Variants in PCBP3 observed in about 807,000 individuals in gnomAD.
The protein encoded by PCBP3 is poly(rC) binding protein 3.
A neutral mutation model predicts 52.7 loss-of-function variants in PCBP3; 25 were observed. The ratio of observed to expected loss-of-function variants is 0.47; its 90% CI spans 0.35 to 0.66. PCBP3 has a LOEUF of 0.66. Among genes scored for constraint, PCBP3 ranks in the 30% least tolerant of loss-of-function variants. The pLI is 0.01. For synonymous variants in PCBP3, 162 were observed against 183.0 expected (o/e 0.89, Z 0.93); for missense variants, 391 against 490.3 (o/e 0.80, Z 1.91).
At chr21:45,851,257 G>A (rs982364404) in intron 5 of PCBP3, among the ~76,000 whole-genome samples, 2 of 152,264 alleles carry the variant, frequency 1.3e-5, no homozygotes, top group East Asian at 1.9e-4. Flanking sequence ...GCTCACGCCT[G>A]TAATCCCAGC....
At chr21:45,752,943 A>C (rs933005706) in intron 3 of PCBP3, 6 of 140,814 alleles carry the variant, frequency 4.3e-5, no homozygotes, top group African/African-American at 1.3e-4. Context: ...AGACAAACCT[A>C]GGCAACATAG....
In PCBP3 at chr21:45,932,549, G is replaced by A. The variant is rs576336269; in HGVS notation, c.856+1704G>A. Among the ~76,000 whole-genome samples the A allele has an allele frequency of 1.1e-4, 17 of 150,950 alleles. No homozygotes were observed. In the East Asian group the frequency reaches 1.4e-3, roughly 12 times the overall value. On this transcript the variant is annotated intron_variant, in intron 15 of 17. Transcript: ENST00000681687. ...TCGGCCATGCCGTCCTGAGATGAAC[G>A]AACACCCGGGCCATGCTGTCCTGAG...
rs2075706415 is a variant in PCBP3, at chr21:45,928,015, C to T, written c.718-1902C>T. On this transcript the variant is annotated intron_variant, in intron 13 of 17. Transcript: ENST00000681687. This position sits in a 1 kb window ranked among gnomAD's most constrained non-coding sequence, Gnocchi z 4.1. ...GGATGAATTTGCCAGGAGTGTCTCA[C>T]CCCGCCGTGGGCGATCTTGCCTGCA... 1.3e-5 allele frequency among the ~76,000 whole-genome samples: 2 copies of T among 152,194 alleles called. No homozygotes were observed. Among genetic ancestry groups the T allele is most frequent in the African/African-American group, 2.4e-5 (1 of 41,458 alleles).
chr21:45,782,397 G>C (rs764247075), intron 4 of PCBP3, among the ~76,000 whole-genome samples: 21 of 151,998 alleles, frequency 1.4e-4, no homozygotes, highest in Non-Finnish European at 2.6e-4. Flanking sequence ...TATAGGATCT[G>C]AAATTAATAA....
In PCBP3 at chr21:45,917,694, T is replaced by G; in HGVS notation, c.717+65T>G. The G allele has an allele frequency of 8.8e-7, 1 of 1,135,272 alleles. No homozygotes were observed. Among genetic ancestry groups the G allele is most frequent in the Non-Finnish European group, 1.3e-6 (1 of 742,956 alleles). 70.3% of individuals were successfully genotyped at this position (1,135,272 alleles called of 1,614,324 possible). A position where few individuals can be genotyped will look rare whatever the true frequency, so the allele number is the denominator to read the frequency against. On this transcript the variant is annotated intron_variant, in intron 13 of 17. Coordinates refer to ENST00000681687, the MANE Select transcript of PCBP3 (RefSeq NM_001384156.1). This position sits in a 1 kb window ranked among gnomAD's most constrained non-coding sequence, Gnocchi z 5.3. ...CATGGTTGTTTACCTACCTGCATGC[T>G]GCTGTTAATTGCTACTAACATTAAT...
At chr21:45,924,959 C>T (rs796241366) in intron 13 of PCBP3, among the ~76,000 whole-genome samples, 22 of 46,012 alleles carry the variant, frequency 4.8e-4, no homozygotes, top group African/African-American at 1.5e-3. Context: ...ATGCGAACAC[C>T]GGGAACAGTC....
At chr21:45,906,730 G>A (rs1159413357) in intron 9 of PCBP3, among the ~76,000 whole-genome samples, 3 of 152,180 alleles carry the variant, frequency 2.0e-5, no homozygotes, top group African/African-American at 4.8e-5. Context: ...TCAGGAAACA[G>A]TGTCTCTGAT....
chr21:45,700,440 C>G (rs1603285777), intron 2 of PCBP3, among the ~76,000 whole-genome samples: 3 of 152,062 alleles, frequency 2.0e-5, no homozygotes, highest in African/African-American at 7.2e-5. Flanking sequence ...CACAAGGAGC[C>G]CTGGAAGCAG....
intron 4 of PCBP3, among the ~76,000 whole-genome samples, chr21:45,786,129 TAAAA>T (rs57864348): frequency 1.8e-5 from 2 of 111,572 alleles, no homozygotes; most frequent in Admixed American, 1.7e-4. Context: ...GAATGATCAA[TAAAA>T]AAATAAATAA....
intron 2 of PCBP3, among the ~76,000 whole-genome samples, chr21:45,721,001 G>A: frequency 6.6e-6 from 1 of 152,260 alleles, no homozygotes; most frequent in East Asian, 1.9e-4. Context: ...TGCTGCCCCA[G>A]ATGTTTGAAG....
At chr21:45,767,362 A>T (rs2089442493) in intron 4 of PCBP3, among the ~76,000 whole-genome samples, 1 of 152,228 alleles carries the variant, frequency 6.6e-6, no homozygotes, top group African/African-American at 2.4e-5. Flanking sequence ...GCATCATCGT[A>T]GCATGTGTCA....
At chr21:45,784,646 G>A (rs1253660258) in intron 4 of PCBP3, among the ~76,000 whole-genome samples, 1 of 152,256 alleles carries the variant, frequency 6.6e-6, no homozygotes, top group Non-Finnish European at 1.5e-5. Flanking sequence ...TTTTTTGGGT[G>A]GAGACGGGGT....
At chr21:45,919,827 G>A (rs2074156516) in intron 13 of PCBP3, among the ~76,000 whole-genome samples, 1 of 120,266 alleles carries the variant, frequency 8.3e-6, no homozygotes, top group Non-Finnish European at 1.7e-5. Flanking sequence ...GTGTGTGTGT[G>A]TGTGTGTGTG....
chr21:45,834,837 C>T (rs1039780613), intron 4 of PCBP3, among the ~76,000 whole-genome samples: 5 of 152,244 alleles, frequency 3.3e-5, no homozygotes, highest in Non-Finnish European at 5.9e-5. Context: ...GCACGCTTTT[C>T]GGCAGAGCCC....
intron 2 of PCBP3, among the ~76,000 whole-genome samples, chr21:45,699,847 T>G (rs930513787): frequency 1.3e-5 from 2 of 152,154 alleles, no homozygotes; most frequent in African/African-American, 4.8e-5. Flanking sequence ...CCACAACATG[T>G]GGGAGTTTCG....
chr21:45,907,858 G>C (rs374830424), intron 9 of PCBP3, among the ~76,000 whole-genome samples: 17 of 151,696 alleles, frequency 1.1e-4, no homozygotes, highest in South Asian at 2.1e-4. Flanking sequence ...AGGACGGGGC[G>C]GGGGGAGTGC....
chr21:45,754,088 T>C (rs1020817065), intron 3 of PCBP3, among the ~76,000 whole-genome samples: 1 of 152,208 alleles, frequency 6.6e-6, no homozygotes, highest in Non-Finnish European at 1.5e-5. Context: ...AGGTAAAATG[T>C]ATTTTACTTA....
intron 4 of PCBP3, among the ~76,000 whole-genome samples, chr21:45,843,629 A>G (rs2093744659): frequency 6.6e-6 from 1 of 152,140 alleles, no homozygotes; most frequent in Admixed American, 6.5e-5. Context: ...GATCTCATCT[A>G]TTTCTTATCT....
intron 7 of PCBP3, 40 bp from the exon 8 acceptor site, chr21:45,900,551 G>A (rs2096005320): frequency 6.3e-7 from 1 of 1,578,780 alleles, no homozygotes; most frequent in African/African-American, 1.3e-5. Flanking sequence ...CTCAGAGCCA[G>A]AGGGATACCT....
Sources: gnomAD v4.1 joint callset for allele counts (sites outside exome capture counted in the v4.1 genomes callset) on GRCh38, gnomAD v4.1.1 for gene constraint, Gnocchi (gnomAD v3.1) non-coding constraint, MANE v1.5 for transcripts, NCBI Gene and HGNC (gene_info 2026-07-23, HGNC 2026-07-21) for gene names.